The following TBCK variants were observed in gnomAD, a reference collection of about 807,000 sequenced individuals.
TBCK encodes TBC domain-containing protein kinase-like protein.
TBCK carries 99 observed loss-of-function variants against 113.4 expected under a neutral mutation model. That is an observed-to-expected ratio of 0.87 (90% confidence interval 0.74 to 1.03). The LOEUF (loss-of-function observed/expected upper bound fraction) is 1.03, where lower values mean the gene tolerates loss of function less well. TBCK is among the 50% of genes least tolerant of loss of function. The pLI, the probability that TBCK is intolerant of heterozygous loss-of-function variation, is 0.00. For missense variants in TBCK, 1,045 were observed against 1,061.3 expected (o/e 0.98, Z 0.21); for synonymous variants, 369 against 370.8 (o/e 1.00, Z 0.05).
At chr4:106,242,723 AT>A (rs1760302046) in intron 11 of TBCK, among the ~76,000 whole-genome samples, 154 bp from the exon 12 acceptor site, 1 of 151,968 alleles carries the variant, frequency 6.6e-6, no homozygotes, top group Admixed American at 6.6e-5. Context: ...TTTAATTATT[AT>A]TATTATACTT....
intron 5 of TBCK, among the ~76,000 whole-genome samples, chr4:106,254,394 A>G (rs947528027): frequency 6.6e-6 from 1 of 152,208 alleles, no homozygotes; most frequent in Non-Finnish European, 1.5e-5. Context: ...TAGGCTTCCT[A>G]TGATAATCTT....
At chr4:106,171,596 T>C (rs1227408065) in intron 22 of TBCK, among the ~76,000 whole-genome samples, 1 of 151,584 alleles carries the variant, frequency 6.6e-6, no homozygotes, top group Admixed American at 6.6e-5. Flanking sequence ...ATAGAACACA[T>C]CTCCTTATTT....
chr4:106,305,213 ATGTC>A (rs1423147513), intron 2 of TBCK, among the ~76,000 whole-genome samples: 1 of 152,124 alleles, frequency 6.6e-6, no homozygotes, highest in Non-Finnish European at 1.5e-5. Flanking sequence ...TACTGTATGA[ATGTC>A]TGCATCTTGT....
intron 20 of TBCK, among the ~76,000 whole-genome samples, chr4:106,200,351 G>A (rs752380691): frequency 6.6e-6 from 1 of 152,112 alleles, no homozygotes; most frequent in Non-Finnish European, 1.5e-5. Context: ...ACCAGCCTGG[G>A]TAACATAGGG....
chr4:106,252,080 T>G, intron 5 of TBCK, 73 bp from the exon 6 acceptor site: 1 of 1,262,198 alleles, frequency 7.9e-7, no homozygotes, highest in Non-Finnish European at 1.1e-6. Context: ...ACAATCAATG[T>G]GGTAAGATCT....
At chr4:106,313,345 C>A (rs971582936) in intron 1 of TBCK, among the ~76,000 whole-genome samples, 1 of 150,182 alleles carries the variant, frequency 6.7e-6, no homozygotes, top group Admixed American at 6.7e-5. Flanking sequence ...TCAGACCAGA[C>A]TGAGCAACAC....
At chr4:106,291,918 G>A (rs144866226) in intron 3 of TBCK, among the ~76,000 whole-genome samples, 2 of 152,338 alleles carry the variant, frequency 1.3e-5, no homozygotes, top group African/African-American at 4.8e-5. Context: ...TGAGTTGACC[G>A]ATGTTGACAA....
chr4:106,199,890 G>A (rs1030254584), intron 20 of TBCK, among the ~76,000 whole-genome samples: 2 of 152,032 alleles, frequency 1.3e-5, no homozygotes, highest in Admixed American at 6.6e-5. Context: ...CCCATCCTTC[G>A]ATTTTTCTCA....
intron 11 of TBCK, among the ~76,000 whole-genome samples, chr4:106,242,877 A>C (rs1359256958): frequency 1.1e-5 from 1 of 90,070 alleles, no homozygotes. Flanking sequence ...CCCACCCCAC[A>C]ACAGTCCCCA....
At chr4:106,056,808 T>C (rs975159541) in intron 25 of TBCK, among the ~76,000 whole-genome samples, 2 of 151,738 alleles carry the variant, frequency 1.3e-5, no homozygotes, top group African/African-American at 2.4e-5. Flanking sequence ...TTCCAAGAAA[T>C]AGTTTGCTTA....
rs545892238 is a variant in TBCK at position 106,151,417 on chromosome 4, A to C, written c.2235+19678T>G. ...TGTACTCTCTATATCCATGAGTTCA[A>C]TTTATTTTAATTTTTATCACCCACA... On this transcript the variant is annotated intron_variant, in intron 23 of 25. Transcript: ENST00000394708. 8.2e-4 allele frequency among the ~76,000 whole-genome samples: 125 copies of C among 152,034 alleles called. 2 individuals are homozygous for C. The highest frequency in any genetic ancestry group is 8.1e-3 in the South Asian group (39 of 4,828).
chr4:106,290,229 G>T (rs1354059439), intron 3 of TBCK, among the ~76,000 whole-genome samples: 3 of 152,138 alleles, frequency 2.0e-5, no homozygotes, highest in African/African-American at 7.2e-5. Context: ...CCAGGCTGGA[G>T]TGCAGTGGCG....
At chr4:106,258,236 A>C (rs1762188662) in intron 5 of TBCK, among the ~76,000 whole-genome samples, 1 of 152,092 alleles carries the variant, frequency 6.6e-6, no homozygotes, top group Non-Finnish European at 1.5e-5. Context: ...GAGGTAAATA[A>C]AGTGGCTTTC....
At chr4:106,234,626 AAGGAT>A (rs1759247657) in intron 15 of TBCK, among the ~76,000 whole-genome samples, 1 of 152,078 alleles carries the variant, frequency 6.6e-6, no homozygotes, top group South Asian at 2.1e-4. Context: ...TTTAAAAAGG[AAGGAT>A]AATTATCTAT....
intron 25 of TBCK, among the ~76,000 whole-genome samples, chr4:106,072,070 T>C (rs548570859): frequency 1.3e-5 from 2 of 152,370 alleles, no homozygotes; most frequent in South Asian, 4.1e-4. Context: ...CTGTGTCTTT[T>C]AATTAGGGCA....
rs147372070 is a variant in TBCK, at chr4:106,193,566, T to G, written c.2059+43A>C. 3.1e-5 allele frequency: 50 copies of G among 1,603,634 alleles called. No individual in the cohort carries two copies. The Admixed American group carries it at 8.2e-4, about 26-fold the overall frequency. On this transcript the variant is annotated intron_variant, in intron 22 of 25. Coordinates refer to ENST00000394708, the MANE Select transcript of TBCK (RefSeq NM_001163435.3). Reference sequence around the variant, plus strand: ...GGCTTAAGAATGTGTCATTATTTCATAGTCAAATTTCATTTAATGGCTCCA... The same window carrying G: ...GGCTTAAGAATGTGTCATTATTTCAGAGTCAAATTTCATTTAATGGCTCCA...
At chr4:106,225,003 G>C (rs545285376) in intron 19 of TBCK, among the ~76,000 whole-genome samples, 1 of 152,200 alleles carries the variant, frequency 6.6e-6, no homozygotes, top group South Asian at 2.1e-4. Context: ...CTTATAAGTA[G>C]TCATTTTCAC....
chr4:106,278,950 G>A (rs1444982082), intron 3 of TBCK, among the ~76,000 whole-genome samples: 2 of 152,052 alleles, frequency 1.3e-5, no homozygotes. Flanking sequence ...TGAGTCTCTT[G>A]TAGCCTAATT....
intron 15 of TBCK, among the ~76,000 whole-genome samples, chr4:106,234,722 G>A (rs1257375194): frequency 6.6e-6 from 1 of 152,124 alleles, no homozygotes; most frequent in Non-Finnish European, 1.5e-5. Context: ...CCATTATTAT[G>A]ATTGATGTCA....
Sources: gnomAD v4.1 joint callset for allele counts (sites outside exome capture counted in the v4.1 genomes callset) on GRCh38, gnomAD v4.1.1 for gene constraint, MANE v1.5 for transcripts, NCBI Gene and HGNC (gene_info 2026-07-23, HGNC 2026-07-21) for gene names.